KRT84: variants seen among roughly 807,000 people sequenced by gnomAD.
The protein encoded by KRT84 is keratin, type II cuticular Hb4.
A neutral mutation model predicts 49.0 loss-of-function variants in KRT84; 38 were observed. That is an observed-to-expected ratio of 0.78 (90% CI 0.60 to 1.02). The LOEUF is 1.02. KRT84 is among the 50% of genes least tolerant of loss of function. The pLI is 0.00. For synonymous variants in KRT84, 334 were observed against 312.8 expected (o/e 1.07, Z -0.72); for missense variants, 860 against 788.6 (o/e 1.09, Z -1.08).
chr12:52,382,720 G>A (rs1003022482), intron 3 of KRT84, among the ~76,000 whole-genome samples, 188 bp from the exon 4 acceptor site: 1 of 152,188 alleles, frequency 6.6e-6, no homozygotes, highest in Admixed American at 6.5e-5. Context: ...GGGGCTGCTG[G>A]ACATTTCCTG....
chr12:52,385,505 G>T lies in KRT84; in HGVS notation c.81C>A (p.Asn27Lys), dbSNP rs778164960. The T allele has an allele frequency of 1.9e-6, 3 of 1,614,218 alleles. No homozygotes were observed. The highest frequency in any genetic ancestry group is 2.5e-6 in the Non-Finnish European group (3 of 1,180,044). ...CAGAGTTGGCCCGGAAGCGATTCAG[G>T]TTCTGTGGTGTCATTGCTGAACAAG... is the stretch of plus-strand genomic sequence containing the variant. ...FSSCSAMTPQ[N>K]LNRFRANSVS... The change falls in exon 1 of 9, where the codon AAC becomes AAA. Residue 27 changes from asparagine to lysine, a missense_variant. Physicochemically the swap from Asn to Lys is moderately conservative, Grantham distance 94 (BLOSUM62 0). Coordinates refer to ENST00000257951, the MANE Select transcript of KRT84 (RefSeq NM_033045.4).
intron 2 of KRT84, 146 bp downstream of exon 2, chr12:52,383,444 T>G: frequency 1.5e-6 from 1 of 662,924 alleles, no homozygotes; most frequent in East Asian, 2.8e-5. Flanking sequence ...TGTTCACATA[T>G]CTCTACCCAC....
upstream of KRT84, chr12:52,385,728 C>A (rs534061417): frequency 2.2e-5 from 17 of 780,688 alleles, no homozygotes; most frequent in East Asian, 4.2e-4. Flanking sequence ...TGAAAAAATC[C>A]ATTTGCAGGC....
At chr12:52,382,216 CAT>C (rs1939495458) in intron 4 of KRT84, among the ~76,000 whole-genome samples, 1 of 152,190 alleles carries the variant, frequency 6.6e-6, no homozygotes, top group African/African-American at 2.4e-5. Flanking sequence ...GGAGTTGGAT[CAT>C]AGATCCAAGG....
chr12:52,382,648 G>T, intron 3 of KRT84, 116 bp from the exon 4 acceptor site: 2 of 788,752 alleles, frequency 2.5e-6, no homozygotes, highest in Non-Finnish European at 4.2e-6. Flanking sequence ...TAAGGTCGCT[G>T]GGTAGAAGTG....
At chr12:52,384,118 G>T (rs1939534497) in intron 1 of KRT84, among the ~76,000 whole-genome samples, 1 of 152,218 alleles carries the variant, frequency 6.6e-6, no homozygotes, top group Non-Finnish European at 1.5e-5. Context: ...GCTCTGGTTT[G>T]CCTATATCTG....
At chr12:52,380,797 A>G (rs1939469010) in intron 6 of KRT84, among the ~76,000 whole-genome samples, 1 of 152,184 alleles carries the variant, frequency 6.6e-6, no homozygotes, top group Admixed American at 6.5e-5. Context: ...TGACTTTGTC[A>G]CTGCTGATTT....
intron 8 of KRT84, 134 bp from the exon 9 acceptor site, chr12:52,378,514 T>C (rs1320587673): frequency 6.6e-6 from 4 of 607,812 alleles, no homozygotes; most frequent in Non-Finnish European, 8.1e-6. Context: ...AAGTGGTCCC[T>C]ATTGTCTATA....
At position 52,385,459 on chromosome 12, in the gene KRT84, C is replaced by G. The variant is rs748393563; in HGVS notation, c.127G>C (p.Gly43Arg). The G allele has an allele frequency of 4.3e-6, 7 of 1,614,222 alleles. No homozygotes were observed. Among genetic ancestry groups the G allele is most frequent in the Middle Eastern group, 3.3e-4 (2 of 6,062 alleles). Residue 43 changes from glycine to arginine, a missense_variant, in exon 1 of 9, where the codon GGA (glycine) becomes CGA (arginine). Transcript: ENST00000257951. ...CCAAAGCTGCCAAGGCCCCGGAATC[C>G]AGGCCCACTCCAACAGGAGACAGAG... is the stretch of plus-strand genomic sequence containing the variant. ...ANSVSCWSGPGFRGLGSFGSR... is the reference protein window; with the variant it reads ...ANSVSCWSGPRFRGLGSFGSR...
At chr12:52,386,444 A>G (rs1187541657), upstream of KRT84, among the ~76,000 whole-genome samples, 1 of 146,620 alleles carries the variant, frequency 6.8e-6, no homozygotes, top group Non-Finnish European at 1.5e-5. Context: ...CTGGTCTTGA[A>G]CTCCTGGGCT....
rs1395019784 is a variant in KRT84 at position 52,383,802 on chromosome 12, A to G, written c.547-4T>C. ...TCTGCTGCTCTAGGAACCGAACCTA[A>G]ATCCACAGGGCACAGAAATGGCATT... On this transcript the variant is annotated splice_polypyrimidine_tract_variant and splice_region_variant and intron_variant, in intron 1 of 8. Transcript: ENST00000257951. 2 of 1,609,858 alleles carry G rather than the reference A, an allele frequency of 1.2e-6. No individual in the cohort carries two copies. Among genetic ancestry groups the G allele is most frequent in the Non-Finnish European group, 1.7e-6 (2 of 1,177,260 alleles).
intron 1 of KRT84, among the ~76,000 whole-genome samples, chr12:52,384,554 T>A (rs1939542011): frequency 6.6e-6 from 1 of 152,228 alleles, no homozygotes; most frequent in Non-Finnish European, 1.5e-5. Flanking sequence ...CTTCTTTTTT[T>A]AATTACTCAA....
intron 8 of KRT84, among the ~76,000 whole-genome samples, chr12:52,379,424 C>T (rs1939441057): frequency 6.6e-6 from 1 of 152,184 alleles, no homozygotes; most frequent in African/African-American, 2.4e-5. Context: ...CTGCCATGCC[C>T]GGCACACTGC....
In KRT84 at chr12:52,385,597, G is replaced by T; in HGVS notation, c.-12C>A. On this transcript the variant is annotated 5_prime_UTR_variant, in exon 1 of 9. Coordinates refer to ENST00000257951, the MANE Select transcript of KRT84 (RefSeq NM_033045.4). Reference sequence around the variant, plus strand: ...GAGCGGCAAGACATGATGGCTTCCTGGTTGGGAGCAAAAGAGCAAGTGTAG... The same window carrying T: ...GAGCGGCAAGACATGATGGCTTCCTTGTTGGGAGCAAAAGAGCAAGTGTAG... 1.2e-6 allele frequency: 2 copies of T among 1,609,422 alleles called. No individual in the cohort carries two copies. Among genetic ancestry groups the T allele is most frequent in the Non-Finnish European group, 1.7e-6 (2 of 1,177,456 alleles).
chr12:52,382,257 G>T (rs555138873), intron 4 of KRT84, among the ~76,000 whole-genome samples, 180 bp downstream of exon 4: 2 of 152,302 alleles, frequency 1.3e-5, no homozygotes, highest in Admixed American at 6.5e-5. Flanking sequence ...CTGCTGAAAA[G>T]CCTGCTCACC....
At chr12:52,381,335 T>C in intron 5 of KRT84, 26 bp downstream of exon 5, 1 of 1,613,948 alleles carries the variant, frequency 6.2e-7, no homozygotes, top group South Asian at 1.1e-5. Flanking sequence ...GCTGCCTACA[T>C]CCCTTCCCCA....
Position 52,383,661 on chromosome 12 carries a change from C to A in KRT84, c.684G>T (p.Leu228=). 6.2e-7 allele frequency: 1 copy of A among 1,614,186 alleles called. No individual in the cohort carries two copies. Among genetic ancestry groups the A allele is most frequent in the Non-Finnish European group, 8.5e-7 (1 of 1,180,046 alleles). The change falls in exon 2 of 9, where the codon CTG becomes CTT. Residue 228 remains leucine, a synonymous_variant. Coordinates refer to ENST00000257951, the MANE Select transcript of KRT84 (RefSeq NM_033045.4). ...ITNLRRQLEV[L]VSDQARLQAE... ...CCTGGAGCCGGGCCTGATCACTGAC[C>A]AGCACCTCCAACTGCCTCCGCAGGT...
In KRT84 at chr12:52,385,643, G is replaced by T; in HGVS notation, c.-58C>A. On this transcript the variant is annotated 5_prime_UTR_variant, in exon 1 of 9. Transcript: ENST00000257951. ...TGTAGAATGGGTGAGCTGGAGCTGG[G>T]AGTCCCTCTGAGGCCAGTGGAACCC... The T allele has an allele frequency of 6.6e-7, 1 of 1,513,668 alleles. No individual in the cohort carries two copies. Among genetic ancestry groups the T allele is most frequent in the Admixed American group, 1.7e-5 (1 of 58,136 alleles). The allele number at this position is 1,513,668 out of a possible 1,614,324, so 93.8% of individuals were successfully genotyped here. A position where few individuals can be genotyped will look rare whatever the true frequency, so the allele number is the denominator to read the frequency against.
chr12:52,381,450 G>A lies in KRT84; in HGVS notation c.988C>T (p.Leu330Phe). 6.2e-7 allele frequency: 1 copy of A among 1,614,156 alleles called. No homozygotes were observed. Among genetic ancestry groups the A allele is most frequent in the Non-Finnish European group, 8.5e-7 (1 of 1,180,022 alleles). ...TTGACCTCAGCAATGATCCCATCAA[G>A]GTTCAGGTCACGGCTGTTGTCCATC... ...VKMDNSRDLN[L>F]DGIIAEVKAQ... Residue 330 changes from leucine to phenylalanine, a missense_variant, in exon 5 of 9, where the codon CTT becomes TTT. Coordinates refer to ENST00000257951, the MANE Select transcript of KRT84 (RefSeq NM_033045.4).
Sources: allele counts gnomAD v4.1 joint callset (sites outside exome capture counted in the v4.1 genomes callset), GRCh38; gene constraint gnomAD v4.1.1; transcripts MANE v1.5; gene names NCBI Gene and HGNC (gene_info 2026-07-23, HGNC 2026-07-21).